FRMD7: variants seen among roughly 807,000 people sequenced by gnomAD.
FRMD7 encodes the protein FERM domain containing 7.
In FRMD7, 14 loss-of-function variants were observed where a neutral mutation model predicts 44.1. That is an observed-to-expected ratio of 0.32 (90% confidence interval 0.21 to 0.50). FRMD7 has a LOEUF of 0.50. Ranked by LOEUF, FRMD7 falls within the 20% of genes least tolerant of loss-of-function variation. FRMD7 has a pLI of 0.99. For synonymous variants in FRMD7, 212 were observed against 187.4 expected (o/e 1.13, Z -1.07); for missense variants, 501 against 522.3 (o/e 0.96, Z 0.40).
At chrX:132,082,303 C>G in intron 9 of FRMD7, 60 bp downstream of exon 9, 1 of 988,087 alleles carries the variant, frequency 1.0e-6, no homozygotes, top group Non-Finnish European at 1.4e-6. Flanking sequence ...CCTCCTAAGC[C>G]TCCTGTGTTA....
chrX:132,097,626 G>A (rs976006352), intron 3 of FRMD7, among the ~76,000 whole-genome samples: 2 of 110,473 alleles, frequency 1.8e-5, no homozygotes, highest in African/African-American at 6.6e-5. Context: ...GTGCCCCTTT[G>A]AGGCCTACTG....
chrX:132,117,285 G>A (rs1430032960), intron 1 of FRMD7, among the ~76,000 whole-genome samples: 1 of 111,689 alleles, frequency 9.0e-6, no homozygotes, highest in Non-Finnish European at 1.9e-5. Context: ...CTGGGAAAGT[G>A]TGGCCCTGCC....
At chrX:132,094,711 CTG>C (rs950111555) in intron 4 of FRMD7, among the ~76,000 whole-genome samples, 6 of 112,114 alleles carry the variant, frequency 5.4e-5, no homozygotes, top group Non-Finnish European at 1.1e-4. Context: ...ATCCAAAAGA[CTG>C]TGTTTTAGAA....
chrX:132,078,464 C>G lies in FRMD7; in HGVS notation c.1553G>C (p.Ser518Thr). ...AGTGGGCTCTACATAGCTATGTGGA[C>G]TTGTCCTTTCCTCTGCTCTAATTGG... ...WSPIRAEERTSPHSYVEPTAM... is the reference protein window; with the variant it reads ...WSPIRAEERTTPHSYVEPTAM... Residue 518 changes from serine to threonine, a missense_variant, in exon 12 of 12, where the codon AGT becomes ACT. Around this residue, in one of 3 missense-constraint regions of FRMD7, gnomAD observed 453 missense variants for 452.7 expected, o/e 1.00. Transcript: ENST00000298542. The G allele has an allele frequency of 8.3e-7, 1 of 1,210,906 alleles. No homozygotes were observed. The highest frequency in any genetic ancestry group is 1.1e-6 in the Non-Finnish European group (1 of 894,958).
At chrX:132,080,121 A>G in intron 10 of FRMD7, 40 bp from the exon 11 acceptor site, 1 of 1,111,126 alleles carries the variant, frequency 9.0e-7, no homozygotes, top group Non-Finnish European at 1.2e-6. Context: ...AATGACCTTC[A>G]TGTGAATACC....
At chrX:132,119,760 A>G (rs1928989479) in intron 1 of FRMD7, among the ~76,000 whole-genome samples, 1 of 111,333 alleles carries the variant, frequency 9.0e-6, no homozygotes, top group Admixed American at 9.5e-5. Flanking sequence ...TGTTCCTCGG[A>G]ACGCCTATCA....
intron 3 of FRMD7, among the ~76,000 whole-genome samples, chrX:132,098,095 C>T (rs1268073178): frequency 8.9e-6 from 1 of 111,757 alleles, no homozygotes; most frequent in Non-Finnish European, 1.9e-5. Flanking sequence ...CAAGGATGTC[C>T]TACCAGAGGA....
intron 1 of FRMD7, among the ~76,000 whole-genome samples, chrX:132,124,490 T>A (rs780984079): frequency 8.9e-6 from 1 of 112,064 alleles, no homozygotes; most frequent in East Asian, 2.8e-4. Flanking sequence ...AGTAGGCACA[T>A]TCTAGCAATT....
At position 132,100,729 on chromosome X, in the gene FRMD7, A is replaced by G; in HGVS notation, c.58-13T>C. The G allele has an allele frequency of 6.3e-6, 7 of 1,110,130 alleles. No homozygotes were observed. The highest frequency in any genetic ancestry group is 8.7e-6 in the Non-Finnish European group (7 of 803,710). 91.5% of individuals were successfully genotyped at this position (1,110,130 alleles called of 1,213,427 possible). A position where few individuals can be genotyped will look rare whatever the true frequency, so the allele number is the denominator to read the frequency against. ...CGGATGACTTTTGCTAAACAAAACAAAAAGATGATAGCACAATTTGCATTC... is the reference window on the plus strand; with the variant it reads ...CGGATGACTTTTGCTAAACAAAACAGAAAGATGATAGCACAATTTGCATTC... On this transcript the variant is annotated splice_polypyrimidine_tract_variant and intron_variant, in intron 1 of 11. Transcript: ENST00000298542.
In FRMD7 at chrX:132,097,260, C is replaced by G. The variant is rs376297829; in HGVS notation, c.284+6G>C. On this transcript the variant is annotated splice_donor_region_variant and intron_variant, in intron 4 of 11. Transcript: ENST00000298542. Reference sequence around the variant, plus strand: ...TCATGCAGAGACACACAGGTAATCACTATACCTTGTAAGTTCTTCCCGCAG... The same window carrying G: ...TCATGCAGAGACACACAGGTAATCAGTATACCTTGTAAGTTCTTCCCGCAG... 3 of 1,134,493 alleles carry G rather than the reference C, an allele frequency of 2.6e-6. No individual in the cohort carries two copies. In the African/African-American group the frequency reaches 5.4e-5, roughly 20 times the overall value. 93.5% of individuals were successfully genotyped at this position (1,134,493 alleles called of 1,213,427 possible). A position where few individuals can be genotyped will look rare whatever the true frequency, so the allele number is the denominator to read the frequency against.
chrX:132,098,935 T>C (rs912885234), intron 3 of FRMD7, among the ~76,000 whole-genome samples: 10 of 112,073 alleles, frequency 8.9e-5, no homozygotes, highest in African/African-American at 2.9e-4. Context: ...ATGCAGGTTA[T>C]TGGCAACTCA....
At chrX:132,101,473 G>A (rs1928497476) in intron 1 of FRMD7, among the ~76,000 whole-genome samples, 1 of 112,184 alleles carries the variant, frequency 8.9e-6, no homozygotes, top group African/African-American at 3.2e-5. Flanking sequence ...CTTACCTCAA[G>A]CATAGCACTT....
At chrX:132,108,727 G>A (rs1211122205) in intron 1 of FRMD7, among the ~76,000 whole-genome samples, 1 of 111,152 alleles carries the variant, frequency 9.0e-6, no homozygotes, top group Non-Finnish European at 1.9e-5. Flanking sequence ...TGTGTCAAGG[G>A]CGGGACCAGA....
intron 5 of FRMD7, among the ~76,000 whole-genome samples, chrX:132,091,135 C>T (rs780872389): frequency 9.0e-6 from 1 of 111,407 alleles, no homozygotes; most frequent in South Asian, 3.8e-4. Context: ...CTTATCTGCT[C>T]ATTTAGAGTT....
intron 9 of FRMD7, among the ~76,000 whole-genome samples, chrX:132,080,595 C>T (rs1927775743): frequency 9.0e-6 from 1 of 111,681 alleles, no homozygotes; most frequent in Non-Finnish European, 1.9e-5. Context: ...AGGAGGATGA[C>T]TCGAGCCCAG....
chrX:132,091,420 G>A (rs1257974845), intron 5 of FRMD7, among the ~76,000 whole-genome samples: 3 of 111,529 alleles, frequency 2.7e-5, no homozygotes, highest in Non-Finnish European at 3.8e-5. Flanking sequence ...TGCTCTCTTT[G>A]CCAGGATTCT....
Position 132,094,205 on chromosome X carries a change from T to C in FRMD7, c.285-66A>G, listed in dbSNP as rs994944185. The stretch of plus-strand genomic sequence containing the variant: ...AAATAAGAAAGAAGCATTTTCCTTC[T>C]CCCAGATCCAAGATGATTCAAGAAA... On this transcript the variant is annotated intron_variant, in intron 4 of 11. Coordinates refer to ENST00000298542, the MANE Select transcript of FRMD7 (RefSeq NM_194277.3). 7 of 695,328 alleles carry C rather than the reference T, an allele frequency of 1.0e-5. No homozygotes were observed. The African/African-American group carries it at 1.0e-4, about 10-fold the overall frequency. The allele number at this position is 695,328 out of a possible 1,213,427, so 57.3% of individuals were successfully genotyped here. A position where few individuals can be genotyped will look rare whatever the true frequency, so the allele number is the denominator to read the frequency against.
intron 9 of FRMD7, among the ~76,000 whole-genome samples, chrX:132,080,965 G>A (rs1240672761): frequency 1.8e-5 from 2 of 111,898 alleles, no homozygotes; most frequent in Admixed American, 1.9e-4. Flanking sequence ...AACAGTAGAA[G>A]AGGATTGTTC....
At chrX:132,114,715 T>C (rs1191560553) in intron 1 of FRMD7, among the ~76,000 whole-genome samples, 2 of 112,099 alleles carry the variant, frequency 1.8e-5, no homozygotes, top group Non-Finnish European at 3.8e-5. Context: ...TAGCCAGGTG[T>C]GCTTGCTTGT....
Sources: gnomAD v4.1 joint callset for allele counts (sites outside exome capture counted in the v4.1 genomes callset) on GRCh38, gnomAD v4.1.1 for gene constraint, gnomAD v4.1.1 regional missense constraint, MANE v1.5 for transcripts, NCBI Gene and HGNC (gene_info 2026-07-23, HGNC 2026-07-21) for gene names.